Variants in FBXL14 observed in about 807,000 individuals in gnomAD.
FBXL14 encodes F-box/LRR-repeat protein 14.
FBXL14 carries 11 observed loss-of-function variants against 24.5 expected under a neutral mutation model. The ratio of observed to expected loss-of-function variants is 0.45; its 90% CI spans 0.28 to 0.74. The LOEUF (loss-of-function observed/expected upper bound fraction) is 0.74, where lower values mean the gene tolerates loss of function less well. Ranked by LOEUF, FBXL14 falls within the 30% of genes least tolerant of loss-of-function variation. The pLI is 0.12. For missense variants in FBXL14, 384 were observed against 545.6 expected (o/e 0.70, Z 2.95); for synonymous variants, 294 against 240.4 (o/e 1.22, Z -2.06).
intron 1 of FBXL14, among the ~76,000 whole-genome samples, chr12:1,590,656 G>C (rs1167002521): frequency 6.6e-6 from 1 of 152,202 alleles, no homozygotes; most frequent in Non-Finnish European, 1.5e-5. Context: ...GGATCCAGCG[G>C]CCAGCCTCGG....
intron 1 of FBXL14, among the ~76,000 whole-genome samples, chr12:1,585,038 A>G (rs965667098): frequency 6.6e-6 from 1 of 152,204 alleles, no homozygotes; most frequent in Non-Finnish European, 1.5e-5. Context: ...TAGCAGGACT[A>G]ATTTTTTTGG....
rs1322547112 is a variant in FBXL14, at chr12:1,593,967, C to G, written c.100G>C (p.Ala34Pro). The G allele has an allele frequency of 6.3e-7, 1 of 1,588,986 alleles. No individual in the cohort carries two copies. The highest frequency in any genetic ancestry group is 8.5e-7 in the Non-Finnish European group (1 of 1,175,536). ...TTGTGGTAGGCGGCGTCCCGCCAGG[C>G]GGTGCACACCTGCGCCGCGCGCCCC... ...DKGRAAQVCT[A>P]WRDAAYHKSV... The change falls in exon 1 of 2, where the codon GCC (alanine) becomes CCC (proline). Residue 34 changes from alanine to proline, a missense_variant. Transcript: ENST00000339235. This position sits in a 1 kb window ranked among gnomAD's most constrained non-coding sequence, Gnocchi z 7.4.
chr12:1,585,291 G>A (rs974071642), intron 1 of FBXL14, among the ~76,000 whole-genome samples: 2 of 152,052 alleles, frequency 1.3e-5, no homozygotes, highest in South Asian at 2.1e-4. Context: ...CCCGCTACTC[G>A]GGAGGCTGAG....
rs774914497 is a variant in FBXL14 at position 1,593,749 on chromosome 12, G to A, written c.318C>T (p.Asn106=). ...NLSGCYNLTD[N]GLGHAFVQEI... ...CCTGCACAAACGCGTGGCCCAGCCC[G>A]TTGTCGGTGAGGTTGTAGCAGCCGC... is the stretch of plus-strand genomic sequence containing the variant. Residue 106 remains asparagine (N), a synonymous_variant, in exon 1 of 2, where the codon AAC becomes AAT. Coordinates refer to ENST00000339235, the MANE Select transcript of FBXL14 (RefSeq NM_152441.3). This position sits in a 1 kb window ranked among gnomAD's most constrained non-coding sequence, Gnocchi z 7.4. 3.7e-6 allele frequency: 6 copies of A among 1,614,170 alleles called. No homozygotes were observed. Among genetic ancestry groups the A allele is most frequent in the Non-Finnish European group, 5.1e-6 (6 of 1,180,028 alleles).
Position 1,566,696 on chromosome 12 carries a change from G to GC in FBXL14, c.*51dup. On this transcript the variant is annotated 3_prime_UTR_variant, in exon 2 of 2. Coordinates refer to ENST00000339235, the MANE Select transcript of FBXL14 (RefSeq NM_152441.3). ...CCAGAGTGCCGGAGGCGCAGAGCGG[G>GC]CAAGTCTGGAAGTTAAAGATCCACG... 3.8e-6 allele frequency: 3 copies of GC among 779,826 alleles called. No individual in the cohort carries two copies. The highest frequency in any genetic ancestry group is 2.3e-4 in the Middle Eastern group (1 of 4,438). 48.3% of individuals were successfully genotyped at this position (779,826 alleles called of 1,614,324 possible).
chr12:1,569,076 TATAAAGA>T lies in FBXL14; in HGVS notation c.1195-2273_1195-2267del, dbSNP rs2094440933. 6.6e-6 allele frequency among the ~76,000 whole-genome samples: 1 copy of T among 152,222 alleles called. No individual in the cohort carries two copies. Among genetic ancestry groups the T allele is most frequent in the African/African-American group, 2.4e-5 (1 of 41,466 alleles). On this transcript the variant is annotated intron_variant, in intron 1 of 1. Coordinates refer to ENST00000339235, the MANE Select transcript of FBXL14 (RefSeq NM_152441.3). The surrounding 1 kb of genome is among the most constrained non-coding windows in gnomAD (Gnocchi z 4.2). ...CACAAGTATTTTCATAGGATTGAGA[TATAAAGA>T]ATATATTGAAGCTTTTACAGAACAA...
chr12:1,574,467 G>T, intron 1 of FBXL14, among the ~76,000 whole-genome samples: 1 of 129,258 alleles, frequency 7.7e-6, no homozygotes. Context: ...CCGTGTGGGT[G>T]GAGGCTGGGG....
intron 1 of FBXL14, among the ~76,000 whole-genome samples, chr12:1,592,479 A>T (rs1357580727): frequency 6.6e-6 from 1 of 152,128 alleles, no homozygotes; most frequent in Non-Finnish European, 1.5e-5. Context: ...CTGAAGTGAA[A>T]GCAGACATTT....
chr12:1,587,654 T>G (rs1390099378), intron 1 of FBXL14: 3 of 152,206 alleles, frequency 2.0e-5, no homozygotes, highest in Non-Finnish European at 4.4e-5. Flanking sequence ...GCACTTACCT[T>G]TGATACTTCA....
chr12:1,580,319 C>T (rs547652736), intron 1 of FBXL14, among the ~76,000 whole-genome samples: 6 of 152,264 alleles, frequency 3.9e-5, no homozygotes, highest in Admixed American at 1.3e-4. Flanking sequence ...CTCAGGATCC[C>T]GTTCAATAGC....
chr12:1,589,724 C>T (rs1240276351), intron 1 of FBXL14, among the ~76,000 whole-genome samples: 2 of 152,198 alleles, frequency 1.3e-5, no homozygotes, highest in African/African-American at 4.8e-5. Flanking sequence ...AGTTGACCTT[C>T]ACTAACCACT....
rs534538278 is a variant in FBXL14, at chr12:1,584,645, C to T, written c.1194+8228G>A. On this transcript the variant is annotated intron_variant, in intron 1 of 1. Transcript: ENST00000339235. ...GAAGACCTTTTCTGCTTCGTACAAC[C>T]GTCAGCTGTCAGCTGGATGAAGTTC... Among the ~76,000 whole-genome samples the T allele has an allele frequency of 4.6e-5, 7 of 152,344 alleles. No homozygotes were observed. The South Asian group carries it at 8.3e-4, about 18-fold the overall frequency.
Position 1,593,169 on chromosome 12 carries a change from T to C in FBXL14, c.898A>G (p.Ile300Val). ...DKVGDQSLAY[I>V]AQGLDGLKSL... ...TTGAGGCCATCCAGCCCCTGGGCTA[T>C]GTAAGCCAGACTCTGGTCTCCCACC... Residue 300 changes from isoleucine to valine, a missense_variant, in exon 1 of 2, where the codon ATA (isoleucine) becomes GTA (valine). Ile to Val is a conservative substitution (Grantham distance 29). Transcript: ENST00000339235. This position sits in a 1 kb window ranked among gnomAD's most constrained non-coding sequence, Gnocchi z 7.4. 1 of 1,613,638 alleles carries C rather than the reference T, an allele frequency of 6.2e-7. No homozygotes were observed. Among genetic ancestry groups the C allele is most frequent in the Non-Finnish European group, 8.5e-7 (1 of 1,180,018 alleles).
intron 1 of FBXL14, among the ~76,000 whole-genome samples, chr12:1,582,099 C>T (rs546427694): frequency 6.7e-6 from 1 of 148,798 alleles, no homozygotes; most frequent in East Asian, 2.0e-4. Context: ...GCATTCCAGC[C>T]TGAGCAACAG....
rs187394685 is a variant in FBXL14 at position 1,580,567 on chromosome 12, C to T, written c.1194+12306G>A. Among the ~76,000 whole-genome samples the T allele has an allele frequency of 9.9e-5, 15 of 152,188 alleles. No homozygotes were observed. In the East Asian group the frequency reaches 2.9e-3, roughly 29 times the overall value. On this transcript the variant is annotated intron_variant, in intron 1 of 1. Coordinates refer to ENST00000339235, the MANE Select transcript of FBXL14 (RefSeq NM_152441.3). ...GGTCCTTGCTGCCCCCTATTCTTCT[C>T]TAGTAATCCCTTAAAAAATAATTGC...
intron 1 of FBXL14, among the ~76,000 whole-genome samples, chr12:1,585,028 T>C (rs937188630): frequency 7.2e-5 from 11 of 152,230 alleles, no homozygotes; most frequent in African/African-American, 2.7e-4. Context: ...TTCTCAGAAA[T>C]AGCAGGACTA....
At chr12:1,575,885 C>G (rs1012915662) in intron 1 of FBXL14, among the ~76,000 whole-genome samples, 3 of 152,288 alleles carry the variant, frequency 2.0e-5, no homozygotes, top group Non-Finnish European at 4.4e-5. Flanking sequence ...CTTCCTCCCT[C>G]CGCAGGATCT....
At chr12:1,576,057 C>A (rs1173100151) in intron 1 of FBXL14, among the ~76,000 whole-genome samples, 1 of 152,186 alleles carries the variant, frequency 6.6e-6, no homozygotes, top group Non-Finnish European at 1.5e-5. Context: ...ACTTAACTAG[C>A]CTACGACAGC....
In FBXL14 at chr12:1,578,970, C is replaced by G. The variant is rs531930286; in HGVS notation, c.1195-12160G>C. Among the ~76,000 whole-genome samples, 8 of 152,084 alleles carry G rather than the reference C, an allele frequency of 5.3e-5. No individual in the cohort carries two copies. The South Asian group carries it at 1.7e-3, about 32-fold the overall frequency. On this transcript the variant is annotated intron_variant, in intron 1 of 1. Transcript: ENST00000339235. ...TAAAGTCGGGTGAAGCTTTTTCACT[C>G]CTGGAGAAAAGCTCTTACAACATTT... is the stretch of plus-strand genomic sequence containing the variant.
Sources: gnomAD v4.1 joint callset for allele counts (sites outside exome capture counted in the v4.1 genomes callset) on GRCh38, gnomAD v4.1.1 for gene constraint, Gnocchi (gnomAD v3.1) non-coding constraint, MANE v1.5 for transcripts, NCBI Gene and HGNC (gene_info 2026-07-23, HGNC 2026-07-21) for gene names.